The following LINC00305 variants were observed in gnomAD, a reference collection of about 807,000 sequenced individuals.
LINC00305 encodes the protein long independently transcribed non-coding RNA 305.
chr18:64,113,749 G>A (rs2051325388), intron 1 of LINC00305, among the ~76,000 whole-genome samples: 1 of 152,176 alleles, frequency 6.6e-6, no homozygotes, highest in Admixed American at 6.5e-5. Flanking sequence ...GATGTATAGA[G>A]AAGAGATCAA....
chr18:64,114,077 G>T (rs2051326854), intron 1 of LINC00305, among the ~76,000 whole-genome samples: 1 of 152,136 alleles, frequency 6.6e-6, no homozygotes, highest in Non-Finnish European at 1.5e-5. Context: ...AGACGATCCT[G>T]GCTAACTCGG....
chr18:64,108,301 G>A (rs570848970), intron 1 of LINC00305, among the ~76,000 whole-genome samples: 2 of 152,312 alleles, frequency 1.3e-5, no homozygotes, highest in South Asian at 4.2e-4. Flanking sequence ...GGCTTGGGGT[G>A]CTTGGAAAAT....
intron 1 of LINC00305, among the ~76,000 whole-genome samples, chr18:64,104,765 C>T (rs1416462847): frequency 6.6e-6 from 1 of 152,160 alleles, no homozygotes; most frequent in East Asian, 1.9e-4. Context: ...CCAGGACAAA[C>T]AAAATTTTCT....
chr18:64,138,233 G>C (rs1229099875), intron 1 of LINC00305, among the ~76,000 whole-genome samples: 1 of 151,966 alleles, frequency 6.6e-6, no homozygotes, highest in Non-Finnish European at 1.5e-5. Flanking sequence ...GAAAGATCCG[G>C]GCTGCTCTCT....
intron 1 of LINC00305, among the ~76,000 whole-genome samples, chr18:64,112,743 C>T (rs1312696029): frequency 6.6e-6 from 1 of 151,932 alleles, no homozygotes; most frequent in African/African-American, 2.4e-5. Context: ...AATCATTGAT[C>T]TCTCTTTCCA....
chr18:64,141,307 A>G (rs2051462079), intron 1 of LINC00305, among the ~76,000 whole-genome samples: 1 of 152,194 alleles, frequency 6.6e-6, no homozygotes, highest in South Asian at 2.1e-4. Flanking sequence ...ATATCCAGAA[A>G]GAACCAAATG....
chr18:64,114,131 G>A (rs1370783681), intron 1 of LINC00305, among the ~76,000 whole-genome samples: 3 of 152,252 alleles, frequency 2.0e-5, no homozygotes, highest in African/African-American at 7.2e-5. Context: ...TTAGCCGGGC[G>A]TGGTGGCGGG....
At chr18:64,138,654 G>A (rs572977750) in intron 1 of LINC00305, among the ~76,000 whole-genome samples, 14 of 152,120 alleles carry the variant, frequency 9.2e-5, no homozygotes, top group East Asian at 3.9e-4. Flanking sequence ...TTCCTTCACC[G>A]TTTTTCTCAT....
chr18:64,102,796 T>G (rs1478353264), intron 1 of LINC00305, among the ~76,000 whole-genome samples: 1 of 152,144 alleles, frequency 6.6e-6, no homozygotes, highest in African/African-American at 2.4e-5. Flanking sequence ...ACACATATTT[T>G]AACTACCAGA....
At chr18:64,144,732 G>A (rs1235086645) in intron 1 of LINC00305, among the ~76,000 whole-genome samples, 1 of 152,138 alleles carries the variant, frequency 6.6e-6, no homozygotes, top group African/African-American at 2.4e-5. Context: ...CCTGATTATT[G>A]TAAATACAAA....
At chr18:64,097,909 T>C in exon 3 of LINC00305, 1 of 458,164 alleles carries the variant, frequency 2.2e-6, no homozygotes, top group Non-Finnish European at 4.4e-6. Flanking sequence ...TTGACCTTTG[T>C]AAGTGTGGCT....
chr18:64,084,263 G>T (rs955289408), intron 3 of LINC00305, among the ~76,000 whole-genome samples: 5 of 152,124 alleles, frequency 3.3e-5, no homozygotes, highest in Admixed American at 6.5e-5. Context: ...GAGAACAGGG[G>T]TGATGTTTTT....
At chr18:64,116,493 A>G (rs1373950232) in intron 1 of LINC00305, among the ~76,000 whole-genome samples, 1 of 152,164 alleles carries the variant, frequency 6.6e-6, no homozygotes, top group Non-Finnish European at 1.5e-5. Context: ...TGCAAACGTG[A>G]TGTTAGTTCA....
chr18:64,101,318 G>C (rs1198912462), intron 1 of LINC00305, among the ~76,000 whole-genome samples: 1 of 152,172 alleles, frequency 6.6e-6, no homozygotes, highest in Non-Finnish European at 1.5e-5. Flanking sequence ...TGGTTTCCTT[G>C]AGTTGATGTC....
At chr18:64,088,480 G>C (rs1390138500) in intron 3 of LINC00305, among the ~76,000 whole-genome samples, 2 of 152,174 alleles carry the variant, frequency 1.3e-5, no homozygotes, top group African/African-American at 2.4e-5. Flanking sequence ...GCTCTTTAGT[G>C]CAATGCACAA....
intron 1 of LINC00305, among the ~76,000 whole-genome samples, chr18:64,135,781 C>T (rs1194812414): frequency 2.0e-5 from 3 of 152,090 alleles, no homozygotes; most frequent in African/African-American, 7.2e-5. Flanking sequence ...AGACAGGTTT[C>T]ACCATGTTGG....
intron 1 of LINC00305, among the ~76,000 whole-genome samples, chr18:64,115,987 T>C (rs529042084): frequency 1.2e-4 from 18 of 152,288 alleles, no homozygotes; most frequent in South Asian, 2.1e-4. Flanking sequence ...TACTTTTCCA[T>C]TGGGTAAGGC....
intron 3 of LINC00305, among the ~76,000 whole-genome samples, chr18:64,083,433 G>T (rs1318833743): frequency 6.6e-6 from 1 of 152,152 alleles, no homozygotes; most frequent in East Asian, 1.9e-4. Context: ...ATACCGTGTG[G>T]TCTTTACCTA....
At chr18:64,141,794 T>C (rs1265194017) in intron 1 of LINC00305, among the ~76,000 whole-genome samples, 2 of 152,238 alleles carry the variant, frequency 1.3e-5, no homozygotes, top group Non-Finnish European at 2.9e-5. Flanking sequence ...AACGCTTTGG[T>C]ATGATACTCA....
Sources: gnomAD v4.1 joint callset for allele counts (sites outside exome capture counted in the v4.1 genomes callset) on GRCh38, gnomAD v4.1.1 for gene constraint, MANE v1.5 for transcripts, NCBI Gene and HGNC (gene_info 2026-07-23, HGNC 2026-07-21) for gene names.